ADARB2: variants seen among roughly 807,000 people sequenced by gnomAD.
ADARB2 encodes the protein adenosine deaminase RNA specific B2 (inactive), also known as inactive double-stranded RNA-specific editase B2.
A neutral mutation model predicts 62.2 loss-of-function variants in ADARB2; 25 were observed. The observed-to-expected ratio is 0.40, with a 90% CI of 0.29 to 0.56. ADARB2 has a LOEUF of 0.56. Among genes scored for constraint, ADARB2 ranks in the 20% least tolerant of loss-of-function variants. The pLI is 0.43. For missense variants in ADARB2, 1,071 were observed against 1,077.4 expected (o/e 0.99, Z 0.08); for synonymous variants, 572 against 500.8 (o/e 1.14, Z -1.90).
At chr10:1,587,775 G>T (rs993931321) in intron 1 of ADARB2, among the ~76,000 whole-genome samples, 2 of 152,158 alleles carry the variant, frequency 1.3e-5, no homozygotes, top group African/African-American at 2.4e-5. Context: ...GCGACCTGGT[G>T]GGAGGTAATT....
intron 1 of ADARB2, among the ~76,000 whole-genome samples, chr10:1,651,015 CCTT>C (rs1834103358): frequency 6.6e-6 from 1 of 152,234 alleles, no homozygotes; most frequent in Non-Finnish European, 1.5e-5. Flanking sequence ...CTGCGTTTCT[CCTT>C]CTGTGCCAAG....
intron 8 of ADARB2, among the ~76,000 whole-genome samples, chr10:1,191,178 T>C (rs191410466): frequency 2.0e-5 from 3 of 152,360 alleles, no homozygotes; most frequent in Admixed American, 1.3e-4. Context: ...GCTCATGGGC[T>C]ACTTCTCCCC....
chr10:1,728,299 A>G (rs1320563921), intron 1 of ADARB2, among the ~76,000 whole-genome samples: 3 of 152,230 alleles, frequency 2.0e-5, no homozygotes, highest in African/African-American at 4.8e-5. Context: ...TCCATACTCT[A>G]AAACACAGTC....
At chr10:1,698,531 T>C (rs1834777584) in intron 1 of ADARB2, among the ~76,000 whole-genome samples, 1 of 152,184 alleles carries the variant, frequency 6.6e-6, no homozygotes, top group Admixed American at 6.5e-5. Flanking sequence ...TCGAACATCC[T>C]CATCCATAAT....
At chr10:1,416,209 A>C (rs544961873) in intron 1 of ADARB2, among the ~76,000 whole-genome samples, 2 of 152,266 alleles carry the variant, frequency 1.3e-5, no homozygotes, top group Non-Finnish European at 2.9e-5. Context: ...ACTTATTCAC[A>C]CACACACAGA....
intron 1 of ADARB2, among the ~76,000 whole-genome samples, chr10:1,652,918 C>G (rs899832938): frequency 5.3e-5 from 8 of 152,136 alleles, no homozygotes; most frequent in Non-Finnish European, 7.3e-5. Flanking sequence ...GGGGCATGCA[C>G]GCTTTCTCTG....
chr10:1,604,472 G>A (rs1359666472), intron 1 of ADARB2, among the ~76,000 whole-genome samples: 1 of 152,206 alleles, frequency 6.6e-6, no homozygotes, highest in Non-Finnish European at 1.5e-5. Flanking sequence ...AGCCCTTCCT[G>A]GAAAGGGAGA....
intron 1 of ADARB2, among the ~76,000 whole-genome samples, chr10:1,563,020 C>G (rs1373347229): frequency 2.0e-5 from 3 of 152,198 alleles, no homozygotes; most frequent in Non-Finnish European, 4.4e-5. Context: ...GTGGTGAGAA[C>G]GTCATTCACT....
intron 1 of ADARB2, among the ~76,000 whole-genome samples, chr10:1,608,338 A>G (rs1360104224): frequency 2.0e-5 from 3 of 152,140 alleles, no homozygotes; most frequent in African/African-American, 7.2e-5. Context: ...TGCTGCTGAG[A>G]TGTTTGTCCA....
chr10:1,261,948 A>G (rs1204531379), intron 4 of ADARB2, among the ~76,000 whole-genome samples: 1 of 148,366 alleles, frequency 6.7e-6, no homozygotes, highest in East Asian at 1.9e-4. Context: ...TACACCATGG[A>G]ATACTATGCA....
At chr10:1,241,545 G>T (rs1205795510) in intron 5 of ADARB2, among the ~76,000 whole-genome samples, 2 of 152,184 alleles carry the variant, frequency 1.3e-5, no homozygotes, top group East Asian at 3.9e-4. Flanking sequence ...GTGTCGCGGA[G>T]GCCACGTGCT....
chr10:1,385,533 C>T (rs1349056009), intron 1 of ADARB2, among the ~76,000 whole-genome samples: 1 of 152,012 alleles, frequency 6.6e-6, no homozygotes, highest in African/African-American at 2.4e-5. Context: ...TTGGATATGT[C>T]ACTTTGCAAA....
Position 1,363,113 on chromosome 10 carries a change from G to A in ADARB2, c.992C>T (p.Ala331Val). The change falls in exon 3 of 10, where the codon GCC (alanine) becomes GTC (valine). Residue 331 changes from alanine (A) to valine (V), a missense_variant. Coordinates refer to ENST00000381312, the MANE Select transcript of ADARB2 (RefSeq NM_018702.4). ...CAGCTCCTGCAGTGCGGCCTGCGCG[G>A]CCTGACCCCGGGCCAGCTTCTTGCT... ...GRSKKLARGQ[A>V]AQAALQELFD... The A allele has an allele frequency of 6.5e-7, 1 of 1,537,090 alleles. No homozygotes were observed. Among genetic ancestry groups the A allele is most frequent in the Non-Finnish European group, 8.7e-7 (1 of 1,150,720 alleles).
At position 1,694,924 on chromosome 10, in the gene ADARB2, C is replaced by T. The variant is rs142059611; in HGVS notation, c.100+42127G>A. Reference sequence around the variant, plus strand: ...ACGTGCATCCTGGGGCTCCTTTTCACGTGAAGCCTCTGCATGGAAGGTTAC... The same window carrying T: ...ACGTGCATCCTGGGGCTCCTTTTCATGTGAAGCCTCTGCATGGAAGGTTAC... On this transcript the variant is annotated intron_variant, in intron 1 of 9. Transcript: ENST00000381312. Among the ~76,000 whole-genome samples the T allele has an allele frequency of 6.7e-3, 1,018 of 152,168 alleles. 19 individuals are homozygous for T. The highest frequency in any genetic ancestry group is 0.023 in the African/African-American group (965 of 41,510).
chr10:1,493,729 C>CTTTTTTTTTTTTTTT lies in ADARB2; in HGVS notation c.101-114584_101-114570dup, dbSNP rs555812632. 2.1e-4 allele frequency among the ~76,000 whole-genome samples: 12 copies of CTTTTTTTTTTTTTTT among 56,846 alleles called. 1 individual carries two copies. Among genetic ancestry groups the CTTTTTTTTTTTTTTT allele is most frequent in the Non-Finnish European group, 3.4e-4 (11 of 32,606 alleles). The allele number at this position is 56,846 out of a possible 152,430, so 37.3% of individuals were successfully genotyped here. ...TCTAGGCACAGCATAATATGGCATT[C>CTTTTTTTTTTTTTTT]TTTTTTTTTTTTTTTTTTTTTTTTT... On this transcript the variant is annotated intron_variant, in intron 1 of 9. Transcript: ENST00000381312.
At chr10:1,217,447 ACCGCGT>A in intron 6 of ADARB2, among the ~76,000 whole-genome samples, 1 of 152,222 alleles carries the variant, frequency 6.6e-6, no homozygotes, top group East Asian at 1.9e-4. Context: ...GTAAGGGGCC[ACCGCGT>A]CCTCAATGCT....
At chr10:1,728,440 T>TA (rs1564206356) in intron 1 of ADARB2, among the ~76,000 whole-genome samples, 1 of 152,204 alleles carries the variant, frequency 6.6e-6, no homozygotes, top group Non-Finnish European at 1.5e-5. Context: ...TGGGGAGTCT[T>TA]TTAATATTTC....
intron 2 of ADARB2, among the ~76,000 whole-genome samples, chr10:1,367,283 G>A (rs1377772173): frequency 1.3e-5 from 2 of 152,210 alleles, no homozygotes; most frequent in Non-Finnish European, 2.9e-5. Flanking sequence ...GCTCTGCTTT[G>A]AAAGTGCTCT....
intron 1 of ADARB2, among the ~76,000 whole-genome samples, chr10:1,485,080 G>A (rs758962186): frequency 1.3e-5 from 2 of 151,960 alleles, no homozygotes; most frequent in Admixed American, 6.6e-5. Flanking sequence ...GTATGTAGGT[G>A]GATTTCTATG....
Sources: allele counts gnomAD v4.1 joint callset (sites outside exome capture counted in the v4.1 genomes callset), GRCh38; gene constraint gnomAD v4.1.1; transcripts MANE v1.5; gene names NCBI Gene and HGNC (gene_info 2026-07-23, HGNC 2026-07-21).